TRIM55: variants seen among roughly 807,000 people sequenced by gnomAD.
The protein encoded by TRIM55 is tripartite motif-containing protein 55.
Under a neutral mutation model 60.9 loss-of-function variants are expected in TRIM55, and 50 were observed. The ratio of observed to expected loss-of-function variants is 0.82; its 90% CI spans 0.65 to 1.04. TRIM55 has a LOEUF of 1.04. TRIM55 is among the 50% of genes least tolerant of loss of function. The probability of loss-of-function intolerance (pLI) is 0.00; values close to 1 mark genes in which losing one functional copy is unlikely to be tolerated. For missense variants in TRIM55, 681 were observed against 666.9 expected (o/e 1.02, Z -0.23); for synonymous variants, 237 against 238.1 (o/e 1.00, Z 0.04).
the TRIM55 span, among the ~76,000 whole-genome samples, chr8:66,116,279 G>C: frequency 6.6e-6 from 1 of 152,078 alleles, no homozygotes; most frequent in African/African-American, 2.4e-5. Flanking sequence ...AGTAGGTATA[G>C]AGCAATATAA....
rs1166016986 is a variant in TRIM55, at chr8:66,175,291, T to G, written c.*698T>G. ...CTTCCAGCAAAAGCTGTCTACTTTC[T>G]CTTTTATTCACTGTGGCACCAATCT... On this transcript the variant is annotated 3_prime_UTR_variant, in exon 10 of 10. Transcript: ENST00000315962. 6.6e-6 allele frequency: 1 copy of G among 152,264 alleles called. No homozygotes were observed. The highest frequency in any genetic ancestry group is 1.5e-5 in the Non-Finnish European group (1 of 68,038). The allele number at this position is 152,264 out of a possible 1,614,324, so 9.4% of individuals were successfully genotyped here. A position where few individuals can be genotyped will look rare whatever the true frequency, so the allele number is the denominator to read the frequency against.
At chr8:66,126,901 T>G (rs1191375947), upstream of TRIM55, 1 of 180,240 alleles carries the variant, frequency 5.5e-6, no homozygotes, top group Non-Finnish European at 1.2e-5. Context: ...TTGCATTTGT[T>G]GTTGACAACT....
the TRIM55 span, among the ~76,000 whole-genome samples, chr8:66,114,082 A>G: frequency 4.0e-5 from 3 of 75,324 alleles, no homozygotes; most frequent in African/African-American, 1.8e-4. Flanking sequence ...AAGGAGAGAC[A>G]CCCCCCCCCC....
intron 9 of TRIM55, among the ~76,000 whole-genome samples, chr8:66,161,469 T>C (rs1209684399): frequency 6.6e-6 from 1 of 152,030 alleles, no homozygotes; most frequent in Non-Finnish European, 1.5e-5. Flanking sequence ...TGATGCCTAC[T>C]GATTTGTTCT....
chr8:66,113,977 T>C, the TRIM55 span, among the ~76,000 whole-genome samples: 1 of 151,308 alleles, frequency 6.6e-6, no homozygotes, highest in African/African-American at 2.4e-5. Flanking sequence ...CCCGGGAAGC[T>C]GTGCCCGCTC....
intron 9 of TRIM55, among the ~76,000 whole-genome samples, chr8:66,171,696 T>C (rs1811644767): frequency 6.6e-6 from 1 of 152,188 alleles, no homozygotes; most frequent in Non-Finnish European, 1.5e-5. Flanking sequence ...TAAGAAACTA[T>C]TTGAAGGAAC....
At chr8:66,170,840 T>C (rs1023294380) in intron 9 of TRIM55, among the ~76,000 whole-genome samples, 1 of 152,204 alleles carries the variant, frequency 6.6e-6, no homozygotes, top group African/African-American at 2.4e-5. Context: ...ACACAGATAT[T>C]TGCACACTCC....
chr8:66,120,588 A>T, the TRIM55 span, among the ~76,000 whole-genome samples: 1 of 152,174 alleles, frequency 6.6e-6, no homozygotes. Context: ...AACCCCCATA[A>T]GAACTCTGGA....
At chr8:66,117,766 A>G in the TRIM55 span, among the ~76,000 whole-genome samples, 4 of 152,214 alleles carry the variant, frequency 2.6e-5, no homozygotes, top group Non-Finnish European at 5.9e-5. Flanking sequence ...TTTGGGGTTC[A>G]GACATGGGCC....
intron 4 of TRIM55, among the ~76,000 whole-genome samples, chr8:66,144,700 G>C (rs6472252): frequency 0.17 from 26,088 of 152,170 alleles, 3,767 homozygotes; most frequent in African/African-American, 0.4. Context: ...GGAGGTGTAT[G>C]GCTCCGAATT....
chr8:66,127,308 C>T lies in TRIM55; in HGVS notation c.40C>T (p.Gln14Ter), dbSNP rs1378639393. 6.2e-7 allele frequency: 1 copy of T among 1,614,152 alleles called. No individual in the cohort carries two copies. The highest frequency in any genetic ancestry group is 2.2e-5 in the East Asian group (1 of 44,888). The change falls in exon 1 of 10, where the codon CAG (glutamine) becomes TAG (stop). Residue 14 changes from glutamine (Q) to a stop codon, truncating the protein, a stop_gained. Coordinates refer to ENST00000315962, the MANE Select transcript of TRIM55 (RefSeq NM_184085.2). LOFTEE classifies it high-confidence loss of function. ...SLNYKSFSKE[Q>*]QTMDNLEKQL... is the part of the protein sequence containing the mutation. ...GAATTACAAATCTTTTTCCAAAGAG[C>T]AGCAGACCATGGATAACTTAGAGAA... is the stretch of plus-strand genomic sequence containing the variant.
At chr8:66,122,639 T>C (rs918152133), upstream of TRIM55, among the ~76,000 whole-genome samples, 8 of 152,172 alleles carry the variant, frequency 5.3e-5, no homozygotes, top group South Asian at 2.1e-4. Context: ...CCCAACTCAC[T>C]GATGGATGCC....
At chr8:66,168,903 G>A (rs1330179342) in intron 9 of TRIM55, among the ~76,000 whole-genome samples, 1 of 152,184 alleles carries the variant, frequency 6.6e-6, no homozygotes, top group Non-Finnish European at 1.5e-5. Flanking sequence ...ATCCATTAAT[G>A]TCTTCGTTGC....
the TRIM55 span, among the ~76,000 whole-genome samples, chr8:66,116,017 C>G: frequency 2.0e-5 from 3 of 152,100 alleles, no homozygotes; most frequent in African/African-American, 7.2e-5. Context: ...TAGCATCATA[C>G]AGCGAAGGCC....
Position 66,127,341 on chromosome 8 carries a change from A to G in TRIM55, c.73A>G (p.Ile25Val), listed in dbSNP as rs374781967. 5.5e-5 allele frequency: 88 copies of G among 1,612,816 alleles called. No homozygotes were observed. Among genetic ancestry groups the G allele is most frequent in the Non-Finnish European group, 6.5e-5 (77 of 1,178,898 alleles). The part of the protein sequence containing the change: ...QTMDNLEKQL[I>V]CPICLEMFTK... ...CATGGATAACTTAGAGAAGCAACTC[A>G]TCTGTCCCATCTGCTTAGAGATGTT... The change falls in exon 1 of 10, where the codon ATC (isoleucine) becomes GTC (valine). Residue 25 changes from isoleucine to valine, a missense_variant. Ile to Val is a conservative substitution (Grantham distance 29, BLOSUM62 3). Coordinates refer to ENST00000315962, the MANE Select transcript of TRIM55 (RefSeq NM_184085.2).
At chr8:66,130,762 G>A (rs1349985386) in intron 2 of TRIM55, among the ~76,000 whole-genome samples, 5 of 149,394 alleles carry the variant, frequency 3.3e-5, no homozygotes, top group Admixed American at 1.4e-4. Flanking sequence ...CCAGGTTCAC[G>A]CCATTCTCCT....
In TRIM55 at chr8:66,150,467, G is replaced by C. The variant is rs1413837425; in HGVS notation, c.985+1G>C. On this transcript the variant is annotated splice_donor_variant, in intron 7 of 9. Coordinates refer to ENST00000315962, the MANE Select transcript of TRIM55 (RefSeq NM_184085.2). LOFTEE classifies it high-confidence loss of function. ...ATACGTGAAATTGACTTTTACAGAG[G>C]TTTGTTATTCTTTTGACCATTTGGC... The C allele has an allele frequency of 6.2e-7, 1 of 1,613,834 alleles. No homozygotes were observed. Among genetic ancestry groups the C allele is most frequent in the Admixed American group, 1.7e-5 (1 of 59,948 alleles).
At chr8:66,148,052 C>A (rs764315279) in intron 4 of TRIM55, among the ~76,000 whole-genome samples, 29 of 152,028 alleles carry the variant, frequency 1.9e-4, no homozygotes, top group Non-Finnish European at 3.7e-4. Flanking sequence ...TGCTGGATTC[C>A]CAAGAAGCTC....
chr8:66,162,053 T>C (rs180929004), intron 9 of TRIM55, among the ~76,000 whole-genome samples: 79 of 152,222 alleles, frequency 5.2e-4, no homozygotes, highest in African/African-American at 1.8e-3. Flanking sequence ...TCCAGTACTA[T>C]GTTGAATAGA....
Sources: gnomAD v4.1 joint callset for allele counts (sites outside exome capture counted in the v4.1 genomes callset) on GRCh38, gnomAD v4.1.1 for gene constraint, MANE v1.5 for transcripts, NCBI Gene and HGNC (gene_info 2026-07-23, HGNC 2026-07-21) for gene names.